Variants in GRM7 observed in about 807,000 individuals in gnomAD.
GRM7 encodes glutamate metabotropic receptor 7.
GRM7 carries 35 observed loss-of-function variants against 84.5 expected under a neutral mutation model. The ratio of observed to expected loss-of-function variants is 0.41; its 90% confidence interval spans 0.32 to 0.55. The LOEUF (loss-of-function observed/expected upper bound fraction) is 0.55, where lower values mean the gene tolerates loss of function less well. Ranked by LOEUF, GRM7 falls within the 20% of genes least tolerant of loss-of-function variation. The pLI is 0.19. For synonymous variants in GRM7, 487 were observed against 455.1 expected, an observed-to-expected ratio of 1.07 and a Z score of -0.89; for missense variants, 1,003 against 1,194.6, an observed-to-expected ratio of 0.84 and a Z score of 2.36.
intron 1 of GRM7, among the ~76,000 whole-genome samples, chr3:7,054,543 G>A (rs989344901): frequency 1.3e-5 from 2 of 151,564 alleles, no homozygotes; most frequent in East Asian, 1.9e-4. Flanking sequence ...TGTTTAAGTG[G>A]GAGAGATTTC....
At chr3:7,063,735 A>G (rs1264580577) in intron 1 of GRM7, among the ~76,000 whole-genome samples, 1 of 151,422 alleles carries the variant, frequency 6.6e-6, no homozygotes, top group African/African-American at 2.4e-5. Flanking sequence ...ACCCAAGGTC[A>G]CCCCCTATTC....
intron 8 of GRM7, among the ~76,000 whole-genome samples, chr3:7,625,741 C>T (rs1678917975): frequency 6.6e-6 from 1 of 152,168 alleles, no homozygotes. Flanking sequence ...GACTTCTGCA[C>T]AGCCTGGCTT....
At chr3:6,915,155 G>A (rs1696899808) in intron 1 of GRM7, among the ~76,000 whole-genome samples, 1 of 150,746 alleles carries the variant, frequency 6.6e-6, no homozygotes, top group South Asian at 2.1e-4. Flanking sequence ...ATGTAATAAA[G>A]AGTCACGCTT....
chr3:7,539,672 C>G (rs887165136), intron 7 of GRM7, among the ~76,000 whole-genome samples: 5 of 75,778 alleles, frequency 6.6e-5, no homozygotes, highest in African/African-American at 3.6e-4. Context: ...AAGACTCTGT[C>G]TCAAAAAAAA....
intron 7 of GRM7, among the ~76,000 whole-genome samples, chr3:7,482,330 C>T (rs1484513504): frequency 1.3e-5 from 2 of 152,294 alleles, no homozygotes; most frequent in East Asian, 1.9e-4. Context: ...AAAGAATCTG[C>T]CACTTGATTG....
At chr3:7,570,415 C>T (rs1020437703) in intron 7 of GRM7, among the ~76,000 whole-genome samples, 3 of 152,192 alleles carry the variant, frequency 2.0e-5, no homozygotes, top group African/African-American at 7.2e-5. Context: ...TGGGTAAATA[C>T]AGCCATTCCA....
At chr3:6,897,401 A>C (rs1263292807) in intron 1 of GRM7, among the ~76,000 whole-genome samples, 3 of 152,116 alleles carry the variant, frequency 2.0e-5, no homozygotes, top group Middle Eastern at 3.2e-3. Context: ...TTCAATGCCT[A>C]CTCAAGTTTA....
At chr3:7,152,983 C>A (rs1273790627) in intron 2 of GRM7, among the ~76,000 whole-genome samples, 1 of 151,942 alleles carries the variant, frequency 6.6e-6, no homozygotes, top group Non-Finnish European at 1.5e-5. Flanking sequence ...GATGGAAAAC[C>A]CATTTTGTTG....
intron 3 of GRM7, among the ~76,000 whole-genome samples, chr3:7,301,073 C>A (rs1423439336): frequency 6.6e-6 from 1 of 152,124 alleles, no homozygotes; most frequent in Non-Finnish European, 1.5e-5. Context: ...TAGGCCTCAT[C>A]TACATTCATC....
intron 5 of GRM7, among the ~76,000 whole-genome samples, chr3:7,434,196 T>C (rs1696948178): frequency 6.6e-6 from 1 of 152,216 alleles, no homozygotes; most frequent in Non-Finnish European, 1.5e-5. Flanking sequence ...TCAATGTTTA[T>C]TACTTATAGT....
chr3:7,445,041 G>A (rs1697447640), intron 5 of GRM7, among the ~76,000 whole-genome samples: 1 of 152,112 alleles, frequency 6.6e-6, no homozygotes, highest in African/African-American at 2.4e-5. Context: ...TCCTTCCTCT[G>A]CTGGCCTTGT....
rs906037841 is a variant in GRM7 at position 6,892,132 on chromosome 3, G to A, written c.519+30225G>A. ...TATTGGTTATTCTAGTTATACATTC[G>A]TCTAAATTTTTTTCTCTTTATCAGT... On this transcript the variant is annotated intron_variant, in intron 1 of 9. Coordinates refer to ENST00000357716, the MANE Select transcript of GRM7 (RefSeq NM_000844.4). 3.9e-5 allele frequency among the ~76,000 whole-genome samples: 6 copies of A among 151,980 alleles called. No homozygotes were observed. The East Asian group carries it at 5.8e-4, about 15-fold the overall frequency.
At chr3:7,035,492 A>G (rs1376374177) in intron 1 of GRM7, among the ~76,000 whole-genome samples, 1 of 152,222 alleles carries the variant, frequency 6.6e-6, no homozygotes, top group Non-Finnish European at 1.5e-5. Context: ...TTCAAGGCCT[A>G]TACAAAGAGC....
chr3:6,970,765 G>A (rs555099416), intron 1 of GRM7, among the ~76,000 whole-genome samples: 32 of 152,288 alleles, frequency 2.1e-4, no homozygotes, highest in Non-Finnish European at 4.4e-4. Context: ...GGATCACGAG[G>A]TCAGGAGATC....
At chr3:7,340,258 A>G (rs932354095) in intron 4 of GRM7, among the ~76,000 whole-genome samples, 1 of 152,126 alleles carries the variant, frequency 6.6e-6, no homozygotes, top group South Asian at 2.1e-4. Context: ...GTTCGTTCTC[A>G]CACTGCTATT....
At chr3:7,620,464 A>G (rs976359768) in intron 8 of GRM7, among the ~76,000 whole-genome samples, 12 of 152,198 alleles carry the variant, frequency 7.9e-5, no homozygotes, top group African/African-American at 2.9e-4. Context: ...ACTTATAGCC[A>G]TAGCTATATT....
Position 7,025,949 on chromosome 3 carries a change from C to T in GRM7, c.520-120503C>T, listed in dbSNP as rs78443775. Among the ~76,000 whole-genome samples the T allele has an allele frequency of 1.1e-4, 17 of 152,272 alleles. No individual in the cohort carries two copies. The East Asian group carries it at 3.3e-3, about 29-fold the overall frequency. On this transcript the variant is annotated intron_variant, in intron 1 of 9. Transcript: ENST00000357716. ...GCCTTTATAGCTCATGACACCTACCCTGCAAAGCCATACATGGCTAATAGA... is the reference window on the plus strand; with the variant it reads ...GCCTTTATAGCTCATGACACCTACCTTGCAAAGCCATACATGGCTAATAGA...
At chr3:7,598,743 A>G (rs1696167884) in intron 8 of GRM7, among the ~76,000 whole-genome samples, 1 of 152,182 alleles carries the variant, frequency 6.6e-6, no homozygotes, top group Non-Finnish European at 1.5e-5. Context: ...GGCTGGGTAC[A>G]GATACTTCTT....
At chr3:7,315,859 G>C (rs1417667670) in intron 4 of GRM7, among the ~76,000 whole-genome samples, 2 of 152,088 alleles carry the variant, frequency 1.3e-5, no homozygotes, top group East Asian at 3.9e-4. Flanking sequence ...CAATATTTCT[G>C]TGGAGGGACA....
Sources: gnomAD v4.1 joint callset for allele counts (sites outside exome capture counted in the v4.1 genomes callset) on GRCh38, gnomAD v4.1.1 for gene constraint, MANE v1.5 for transcripts, NCBI Gene and HGNC (gene_info 2026-07-23, HGNC 2026-07-21) for gene names.